The following CTH variants were observed in gnomAD, a reference collection of about 807,000 sequenced individuals.
CTH encodes the protein cystathionine gamma-lyase, also known as cystathionase (cystathionine gamma-lyase).
A neutral mutation model predicts 50.6 loss-of-function variants in CTH; 41 were observed. The observed-to-expected ratio is 0.81, with a 90% CI of 0.63 to 1.05. The LOEUF (loss-of-function observed/expected upper bound fraction) is 1.05, where lower values mean the gene tolerates loss of function less well. CTH is among the 50% of genes least tolerant of loss of function. The pLI is 0.00. For synonymous variants in CTH, 156 were observed against 168.9 expected, an observed-to-expected ratio of 0.92 and a Z score of 0.59; for missense variants, 470 against 492.6, an observed-to-expected ratio of 0.95 and a Z score of 0.43.
At chr1:70,434,035 T>A in intron 9 of CTH, 86 bp downstream of exon 9, 1 of 1,586,538 alleles carries the variant, frequency 6.3e-7, no homozygotes, top group South Asian at 1.1e-5. Context: ...AGCCAGATAA[T>A]GTTTTTGTAT....
At position 70,438,819 on chromosome 1, in the gene CTH, A is replaced by G. The variant is rs1684654268; in HGVS notation, c.1184A>G (p.Lys395Arg). The change falls in exon 11 of 12, where the codon AAG (lysine) becomes AGG (arginine). Residue 395 changes from lysine to arginine, a missense_variant. Physicochemically the swap from Lys to Arg is conservative, Grantham distance 26 (BLOSUM62 2). Transcript: ENST00000370938. ...DLLEDLDQAL[K>R]AAHPPSGSHS The stretch of plus-strand genomic sequence containing the variant: ...CTGGAAGATCTAGATCAAGCTTTGA[A>G]GGCAGCAGTAAGTCTTATTATTGTG... 1 of 1,609,604 alleles carries G rather than the reference A, an allele frequency of 6.2e-7. No homozygotes were observed. The highest frequency in any genetic ancestry group is 1.4e-5 in the African/African-American group (1 of 73,220).
intron 7 of CTH, 59 bp from the exon 8 acceptor site, chr1:70,432,024 A>G: frequency 6.3e-7 from 1 of 1,583,320 alleles, no homozygotes; most frequent in African/African-American, 1.3e-5. Flanking sequence ...AAGAGAAGCC[A>G]GATAATTTCT....
chr1:70,436,668 T>TA lies in CTH; in HGVS notation c.1052+1505dup, dbSNP rs35782843. Among the ~76,000 whole-genome samples the TA allele has an allele frequency of 4.1e-3, 585 of 143,774 alleles. 4 individuals are homozygous for TA. The highest frequency in any genetic ancestry group is 0.012 in the African/African-American group (475 of 38,658). 94.3% of individuals were successfully genotyped at this position (143,774 alleles called of 152,430 possible). On this transcript the variant is annotated intron_variant, in intron 10 of 11. Coordinates refer to ENST00000370938, the MANE Select transcript of CTH (RefSeq NM_001902.6). ...CAAAAGTCAGGCAGTCTCACCAAGT[T>TA]AAAAAAAAAAAAAAGATGTCTAAAT...
intron 10 of CTH, 39 bp downstream of exon 10, chr1:70,435,216 A>G (rs751856258): frequency 6.4e-7 from 1 of 1,564,794 alleles, no homozygotes; most frequent in East Asian, 2.3e-5. Context: ...TTTAAATTTG[A>G]TGTCAGCTTT....
At chr1:70,421,328 A>T (rs569037745) in intron 3 of CTH, among the ~76,000 whole-genome samples, 51 of 152,320 alleles carry the variant, frequency 3.3e-4, no homozygotes, top group African/African-American at 1.2e-3. Flanking sequence ...TATTTGCTTC[A>T]TGCTACTTTT....
At chr1:70,411,979 C>T (rs1683976449) in intron 1 of CTH, among the ~76,000 whole-genome samples, 1 of 152,162 alleles carries the variant, frequency 6.6e-6, no homozygotes, top group Non-Finnish European at 1.5e-5. Context: ...AGATTGTTTC[C>T]AGTAGCTGTA....
intron 5 of CTH, among the ~76,000 whole-genome samples, chr1:70,425,734 T>A (rs1439624520): frequency 6.6e-6 from 1 of 151,982 alleles, no homozygotes; most frequent in Non-Finnish European, 1.5e-5. Flanking sequence ...AGGGGGAAGG[T>A]GCTACACACT....
At chr1:70,429,739 A>C (rs1333746444) in intron 5 of CTH, 55 bp from the exon 6 acceptor site, 26 of 1,208,584 alleles carry the variant, frequency 2.2e-5, no homozygotes, top group Non-Finnish European at 2.6e-5. Context: ...TAGGCAGGTA[A>C]TGAAGCATAT....
chr1:70,435,290 C>G, intron 10 of CTH, 113 bp downstream of exon 10: 1 of 1,001,644 alleles, frequency 1.0e-6, no homozygotes, highest in Non-Finnish European at 1.5e-6. Context: ...ATAAGAATAG[C>G]AGGACATTAA....
intron 5 of CTH, among the ~76,000 whole-genome samples, chr1:70,428,511 A>G (rs1684396189): frequency 1.3e-5 from 2 of 152,200 alleles, no homozygotes; most frequent in Admixed American, 1.3e-4. Context: ...GACTTAAAGG[A>G]TTAATTTACA....
At position 70,433,918 on chromosome 1, in the gene CTH, A is replaced by C. The variant is rs1266344938; in HGVS notation, c.968A>C (p.Gln323Pro). ...ACCTTTTATATTAAGGGCACTCTTC[A>C]GCATGCTGAGATTTTCCTCAAGAAC... ...MVTFYIKGTL[Q>P]HAEIFLKNLK... The change falls in exon 9 of 12, where the codon CAG becomes CCG. Residue 323 changes from glutamine to proline, a missense_variant. Gln to Pro is a moderately conservative substitution (Grantham distance 76, BLOSUM62 -1). Transcript: ENST00000370938. 2 of 1,614,124 alleles carry C rather than the reference A, an allele frequency of 1.2e-6. No individual in the cohort carries two copies. The highest frequency in any genetic ancestry group is 8.5e-7 in the Non-Finnish European group (1 of 1,179,980).
Position 70,430,412 on chromosome 1 carries a change from C to T in CTH, c.724+18C>T. On this transcript the variant is annotated intron_variant, in intron 7 of 11. Transcript: ENST00000370938. ...GCAAAACTGTAAGTATTAAAAAGTG[C>T]AGGTTCCCTATGACACTCTCAGTGA... 1 of 1,324,788 alleles carries T rather than the reference C, an allele frequency of 7.5e-7. No homozygotes were observed. Among genetic ancestry groups the T allele is most frequent in the Non-Finnish European group, 1.1e-6 (1 of 916,506 alleles). 82.1% of individuals were successfully genotyped at this position (1,324,788 alleles called of 1,614,324 possible).
chr1:70,438,116 G>A (rs556265113), intron 10 of CTH, among the ~76,000 whole-genome samples: 2 of 152,190 alleles, frequency 1.3e-5, no homozygotes, highest in Admixed American at 6.5e-5. Flanking sequence ...GATGGTAATG[G>A]GCTGCTAGAT....
intron 8 of CTH, among the ~76,000 whole-genome samples, chr1:70,433,480 G>T (rs1684525449): frequency 6.6e-6 from 1 of 152,150 alleles, no homozygotes; most frequent in African/African-American, 2.4e-5. Context: ...AAAAGAAATG[G>T]ATTTGCCCTC....
At chr1:70,429,051 G>T (rs566419562) in intron 5 of CTH, among the ~76,000 whole-genome samples, 1 of 152,208 alleles carries the variant, frequency 6.6e-6, no homozygotes, top group East Asian at 1.9e-4. Flanking sequence ...CCCCTAAATT[G>T]CTGGGATTAC....
chr1:70,438,727 A>G lies in CTH; in HGVS notation c.1092A>G (p.Arg364=), dbSNP rs370492686. 4.3e-6 allele frequency: 7 copies of G among 1,614,008 alleles called. No individual in the cohort carries two copies. Among genetic ancestry groups the G allele is most frequent in the Middle Eastern group, 1.6e-4 (1 of 6,084 alleles). ...MTHASVLKND[R]DVLGISDTLI... is the part of the protein sequence containing the mutation. ...ATGCATCAGTTCTTAAGAATGACAG[A>G]GATGTCCTTGGAATTAGTGACACAC... is the stretch of plus-strand genomic sequence containing the variant. Residue 364 remains arginine (R), a synonymous_variant, in exon 11 of 12, where the codon AGA becomes AGG. Transcript: ENST00000370938.
Position 70,421,585 on chromosome 1 carries a change from G to A in CTH, c.366G>A (p.Arg122=). 1 of 1,613,784 alleles carries A rather than the reference G, an allele frequency of 6.2e-7. No individual in the cohort carries two copies. The highest frequency in any genetic ancestry group is 2.2e-5 in the East Asian group (1 of 44,788). Reference sequence around the variant, plus strand: ...TCTCAGGTACAAACAGGTACTTCAGGCAAGTGGCATCTGAATTTGGATTAA... The same window carrying A: ...TCTCAGGTACAAACAGGTACTTCAGACAAGTGGCATCTGAATTTGGATTAA... The part of the protein sequence containing the change: ...DVYGGTNRYF[R]QVASEFGLKI... The change falls in exon 4 of 12, where the codon AGG becomes AGA. Residue 122 remains arginine, a synonymous_variant. Transcript: ENST00000370938.
chr1:70,418,111 A>G (rs1310650777), intron 3 of CTH, 79 bp downstream of exon 3: 5 of 1,489,888 alleles, frequency 3.4e-6, no homozygotes, highest in Non-Finnish European at 4.7e-6. Context: ...AATATTAACA[A>G]TGTTGCCAGT....
intron 5 of CTH, among the ~76,000 whole-genome samples, chr1:70,426,530 C>A (rs939020352): frequency 2.6e-5 from 4 of 152,184 alleles, no homozygotes; most frequent in African/African-American, 9.6e-5. Flanking sequence ...TTGGTATAAA[C>A]CTGCTTTTCA....
Sources: gnomAD v4.1 joint callset for allele counts (sites outside exome capture counted in the v4.1 genomes callset) on GRCh38, gnomAD v4.1.1 for gene constraint, MANE v1.5 for transcripts, NCBI Gene and HGNC (gene_info 2026-07-23, HGNC 2026-07-21) for gene names.